Variants in ADAMTS18 observed in about 807,000 individuals in gnomAD.
ADAMTS18 encodes ADAM metallopeptidase with thrombospondin type 1 motif 18, also known as A disintegrin and metalloproteinase with thrombospondin motifs 18.
ADAMTS18 carries 157 observed loss-of-function variants against 165.9 expected under a neutral mutation model. The ratio of observed to expected loss-of-function variants is 0.95; its 90% CI spans 0.83 to 1.08. The LOEUF is 1.08. Ranked by LOEUF, ADAMTS18 falls within the 50% of genes least tolerant of loss-of-function variation. The pLI is 0.00. For synonymous variants in ADAMTS18, 782 were observed against 578.2 expected (o/e 1.35, Z -5.06); for missense variants, 2,040 against 1,534.0 (o/e 1.33, Z -5.51).
At chr16:77,407,865 C>T (rs1160559388) in intron 3 of ADAMTS18, among the ~76,000 whole-genome samples, 1 of 151,878 alleles carries the variant, frequency 6.6e-6, no homozygotes, top group Non-Finnish European at 1.5e-5. Context: ...TTTTCATGAT[C>T]TTGGATGTAA....
intron 16 of ADAMTS18, among the ~76,000 whole-genome samples, chr16:77,315,874 C>T (rs373480388): frequency 1.3e-5 from 2 of 152,188 alleles, no homozygotes; most frequent in Non-Finnish European, 2.9e-5. Context: ...CAACCGCCTA[C>T]TTGACAGCTA....
At chr16:77,296,721 G>A (rs770159692) in intron 18 of ADAMTS18, among the ~76,000 whole-genome samples, 2 of 152,146 alleles carry the variant, frequency 1.3e-5, no homozygotes, top group Non-Finnish European at 2.9e-5. Flanking sequence ...TAAGGTGGCT[G>A]AGGCACAATA....
chr16:77,412,865 G>C (rs12924952), intron 3 of ADAMTS18, among the ~76,000 whole-genome samples: 28,075 of 151,932 alleles, frequency 0.18, 2,942 homozygotes, highest in Non-Finnish European at 0.24. Flanking sequence ...TTTGGGTGGG[G>C]ATACAGCCAA....
At position 77,363,789 on chromosome 16, in the gene ADAMTS18, G is replaced by C. The variant is rs192826408; in HGVS notation, c.1056+13C>G. ...CAGACTGAATGAAGACATAAATGAA[G>C]TTTGCCACTTACAGGTTCTTGTTCC... On this transcript the variant is annotated intron_variant, in intron 6 of 22. Coordinates refer to ENST00000282849, the MANE Select transcript of ADAMTS18 (RefSeq NM_199355.4). The C allele has an allele frequency of 6.2e-7, 1 of 1,611,994 alleles. No homozygotes were observed. Among genetic ancestry groups the C allele is most frequent in the Non-Finnish European group, 8.5e-7 (1 of 1,178,364 alleles).
intron 13 of ADAMTS18, among the ~76,000 whole-genome samples, chr16:77,325,514 G>C (rs2056077604): frequency 6.6e-6 from 1 of 151,906 alleles, no homozygotes; most frequent in South Asian, 2.1e-4. Flanking sequence ...GGTATATATG[G>C]TTTCATGAGT....
chr16:77,391,760 A>T (rs934318087), intron 3 of ADAMTS18, among the ~76,000 whole-genome samples: 3 of 152,202 alleles, frequency 2.0e-5, no homozygotes, highest in Admixed American at 2.0e-4. Flanking sequence ...TTAAACAGAA[A>T]GAAAAGGTAT....
At chr16:77,326,545 G>C (rs2056098928) in intron 12 of ADAMTS18, among the ~76,000 whole-genome samples, 1 of 151,964 alleles carries the variant, frequency 6.6e-6, no homozygotes, top group Non-Finnish European at 1.5e-5. Context: ...ACTACACCTG[G>C]CTAATTCTTG....
At chr16:77,347,701 T>C (rs1258416234) in intron 10 of ADAMTS18, among the ~76,000 whole-genome samples, 1 of 152,186 alleles carries the variant, frequency 6.6e-6, no homozygotes, top group African/African-American at 2.4e-5. Context: ...TTCTGTGATA[T>C]ATTAATTTAG....
chr16:77,428,811 C>T (rs2057703956), intron 3 of ADAMTS18, among the ~76,000 whole-genome samples: 1 of 152,078 alleles, frequency 6.6e-6, no homozygotes, highest in South Asian at 2.1e-4. Flanking sequence ...AAATCCTCCC[C>T]AAATTGAAAA....
At chr16:77,425,477 C>G (rs2057659907) in intron 3 of ADAMTS18, among the ~76,000 whole-genome samples, 1 of 152,178 alleles carries the variant, frequency 6.6e-6, no homozygotes, top group Non-Finnish European at 1.5e-5. Context: ...TGGGCCTTCA[C>G]TGAAGTTATT....
At chr16:77,340,078 G>A (rs966199682) in intron 11 of ADAMTS18, among the ~76,000 whole-genome samples, 4 of 152,126 alleles carry the variant, frequency 2.6e-5, no homozygotes, top group Non-Finnish European at 5.9e-5. Context: ...CATTTCATCT[G>A]GGCCCCGACA....
chr16:77,410,511 A>G (rs1343995718), intron 3 of ADAMTS18, among the ~76,000 whole-genome samples: 1 of 152,158 alleles, frequency 6.6e-6, no homozygotes, highest in East Asian at 1.9e-4. Flanking sequence ...TACACTAAAG[A>G]TGGCAGTTTG....
At chr16:77,302,097 T>C (rs1035020561) in intron 16 of ADAMTS18, among the ~76,000 whole-genome samples, 7 of 151,528 alleles carry the variant, frequency 4.6e-5, no homozygotes, top group Non-Finnish European at 8.8e-5. Flanking sequence ...TTCACACATG[T>C]TGAATAAATA....
At position 77,316,793 on chromosome 16, in the gene ADAMTS18, C is replaced by T. The variant is rs143476538; in HGVS notation, c.2532+3056G>A. ...CAAATGATTCTCCTGCCTCATCCTCCCAAGTAGCTGGGACTACAGGCATGC... is the reference window on the plus strand; with the variant it reads ...CAAATGATTCTCCTGCCTCATCCTCTCAAGTAGCTGGGACTACAGGCATGC... On this transcript the variant is annotated intron_variant, in intron 16 of 22. Coordinates refer to ENST00000282849, the MANE Select transcript of ADAMTS18 (RefSeq NM_199355.4). 5.1e-3 allele frequency among the ~76,000 whole-genome samples: 777 copies of T among 151,868 alleles called. 8 individuals are homozygous for T. The highest frequency in any genetic ancestry group is 0.018 in the African/African-American group (745 of 41,428).
In ADAMTS18 at chr16:77,344,439, T is replaced by C. The variant is rs114722999; in HGVS notation, c.1615-2640A>G. ...GTCATCATCGCTACGTGTTGTCGTA[T>C]TGAGTCACCCTCAGTTTGAGGGAAA... is the stretch of plus-strand genomic sequence containing the variant. On this transcript the variant is annotated intron_variant, in intron 10 of 22. Transcript: ENST00000282849. Among the ~76,000 whole-genome samples the C allele has an allele frequency of 5.3e-3, 813 of 152,212 alleles. 13 individuals carry two copies. Among genetic ancestry groups the C allele is most frequent in the African/African-American group, 0.019 (788 of 41,532 alleles).
At chr16:77,289,029 G>A (rs1002932280) in intron 22 of ADAMTS18, among the ~76,000 whole-genome samples, 1 of 152,162 alleles carries the variant, frequency 6.6e-6, no homozygotes, top group African/African-American at 2.4e-5. Flanking sequence ...AGGTTACAGT[G>A]AGCTGTGTAC....
At chr16:77,331,284 T>A (rs1444449722) in intron 12 of ADAMTS18, among the ~76,000 whole-genome samples, 1 of 152,156 alleles carries the variant, frequency 6.6e-6, no homozygotes, top group Non-Finnish European at 1.5e-5. Flanking sequence ...TTGAATTAGG[T>A]AATCTATGTC....
chr16:77,286,077 T>C (rs1355674551), intron 22 of ADAMTS18, among the ~76,000 whole-genome samples: 2 of 152,258 alleles, frequency 1.3e-5, no homozygotes, highest in African/African-American at 2.4e-5. Context: ...CCACTTTTCA[T>C]GTATTGCTTA....
chr16:77,391,068 T>C (rs1181551582), intron 3 of ADAMTS18, among the ~76,000 whole-genome samples: 1 of 152,138 alleles, frequency 6.6e-6, no homozygotes, highest in African/African-American at 2.4e-5. Flanking sequence ...TGTTTTTCCT[T>C]TTCATCTAAA....
Sources: gnomAD v4.1 joint callset for allele counts (sites outside exome capture counted in the v4.1 genomes callset) on GRCh38, gnomAD v4.1.1 for gene constraint, MANE v1.5 for transcripts, NCBI Gene and HGNC (gene_info 2026-07-23, HGNC 2026-07-21) for gene names.